The following CLMP variants were observed in gnomAD, a reference collection of about 807,000 sequenced individuals.
CLMP encodes CXADR-like membrane protein.
A neutral mutation model predicts 45.2 loss-of-function variants in CLMP; 27 were observed. The ratio of observed to expected loss-of-function variants is 0.60; its 90% CI spans 0.44 to 0.82. CLMP has a LOEUF of 0.82. Among genes scored for constraint, CLMP ranks in the 40% least tolerant of loss-of-function variants. The pLI is 0.00. For missense variants in CLMP, 403 were observed against 448.4 expected (o/e 0.90, Z 0.91); for synonymous variants, 167 against 171.4 (o/e 0.97, Z 0.20).
At chr11:123,149,131 G>A (rs1336467188) in intron 1 of CLMP, among the ~76,000 whole-genome samples, 1 of 152,198 alleles carries the variant, frequency 6.6e-6, no homozygotes, top group Non-Finnish European at 1.5e-5. Context: ...ACCACCAGAG[G>A]AGATGGCTGT....
intron 1 of CLMP, among the ~76,000 whole-genome samples, chr11:123,180,928 G>A (rs1375535351): frequency 6.6e-6 from 1 of 152,192 alleles, no homozygotes; most frequent in African/African-American, 2.4e-5. Flanking sequence ...TCTATTCTTA[G>A]TGATAGGAAA....
chr11:123,155,969 T>G (rs1428405862), intron 1 of CLMP, among the ~76,000 whole-genome samples: 4 of 152,168 alleles, frequency 2.6e-5, no homozygotes. Context: ...ATATACCATC[T>G]TAGGAACTGT....
intron 1 of CLMP, among the ~76,000 whole-genome samples, chr11:123,175,380 T>A (rs779900883): frequency 6.6e-6 from 1 of 152,166 alleles, no homozygotes; most frequent in African/African-American, 2.4e-5. Flanking sequence ...CTCACTATCA[T>A]GAGAACAGCA....
chr11:123,120,199 T>C (rs1377406595), intron 1 of CLMP, among the ~76,000 whole-genome samples: 1 of 152,136 alleles, frequency 6.6e-6, no homozygotes, highest in Non-Finnish European at 1.5e-5. Context: ...GGTGTAAGGA[T>C]TGCTTGAGCC....
intron 1 of CLMP, among the ~76,000 whole-genome samples, chr11:123,106,416 TGTGTGTGTGCGCGCGCGC>T (rs1174967229): frequency 3.7e-5 from 4 of 107,554 alleles, no homozygotes; most frequent in African/African-American, 7.1e-5. Context: ...TGTGTGTGTG[TGTGTGTGTGCGCGCGCGC>T]GCGCGCACGT....
intron 1 of CLMP, among the ~76,000 whole-genome samples, chr11:123,159,691 G>A (rs974798056): frequency 2.6e-5 from 4 of 152,306 alleles, no homozygotes; most frequent in African/African-American, 9.6e-5. Context: ...CACACAGGAA[G>A]GGTGGTTTTT....
chr11:123,165,171 G>T (rs921884758), intron 1 of CLMP, among the ~76,000 whole-genome samples: 1 of 152,172 alleles, frequency 6.6e-6, no homozygotes, highest in Non-Finnish European at 1.5e-5. Flanking sequence ...AGCATCTTCT[G>T]ATCTGTCAGC....
chr11:123,149,774 TCTTTCTTTCTTTCTTC>T (rs1321702242), intron 1 of CLMP, among the ~76,000 whole-genome samples: 1 of 139,322 alleles, frequency 7.2e-6, no homozygotes, highest in Non-Finnish European at 1.5e-5. Flanking sequence ...AGGTTTTCTT[TCTTTCTTTCTTTCTTC>T]CTTTCTTTCT....
chr11:123,086,331 TG>T (rs1409723522), intron 2 of CLMP, among the ~76,000 whole-genome samples: 1 of 152,160 alleles, frequency 6.6e-6, no homozygotes, highest in Non-Finnish European at 1.5e-5. Flanking sequence ...CCAGACAAGT[TG>T]GTGGCATTTG....
intron 1 of CLMP, among the ~76,000 whole-genome samples, chr11:123,123,729 C>T (rs981870184): frequency 6.6e-6 from 1 of 152,182 alleles, no homozygotes; most frequent in African/African-American, 2.4e-5. Flanking sequence ...AGAATAGACA[C>T]AATCCATACA....
At chr11:123,117,189 T>G (rs1423396271) in intron 1 of CLMP, among the ~76,000 whole-genome samples, 1 of 152,082 alleles carries the variant, frequency 6.6e-6, no homozygotes, top group East Asian at 1.9e-4. Context: ...AATTGTAAAA[T>G]GCATATAATA....
At chr11:123,131,091 C>A (rs1860980857) in intron 1 of CLMP, among the ~76,000 whole-genome samples, 1 of 152,126 alleles carries the variant, frequency 6.6e-6, no homozygotes, top group Non-Finnish European at 1.5e-5. Context: ...GATCCACCCC[C>A]CTTGGGCTCT....
At chr11:123,110,479 T>C (rs989237898) in intron 1 of CLMP, among the ~76,000 whole-genome samples, 2 of 144,688 alleles carry the variant, frequency 1.4e-5, no homozygotes, top group Admixed American at 7.0e-5. Context: ...ATTAGCCAGG[T>C]GTGGTAACTC....
chr11:123,134,490 A>C (rs1230920408), intron 1 of CLMP, among the ~76,000 whole-genome samples: 1 of 151,554 alleles, frequency 6.6e-6, no homozygotes, highest in Non-Finnish European at 1.5e-5. Flanking sequence ...TGGGGTTTTT[A>C]AGCAAGGGCA....
intron 1 of CLMP, among the ~76,000 whole-genome samples, chr11:123,112,371 C>G (rs1860652130): frequency 7.3e-6 from 1 of 136,138 alleles, no homozygotes. Flanking sequence ...GAGTTTTGCT[C>G]TTGTCGCCCA....
At chr11:123,153,906 G>A (rs1364953856) in intron 1 of CLMP, among the ~76,000 whole-genome samples, 1 of 147,424 alleles carries the variant, frequency 6.8e-6, no homozygotes, top group Non-Finnish European at 1.5e-5. Flanking sequence ...GGCTGGTCTC[G>A]AACTCTTGAG....
In CLMP at chr11:123,083,226, T is replaced by G. The variant is rs1017779075; in HGVS notation, c.557-19A>C. 4.3e-6 allele frequency: 7 copies of G among 1,611,472 alleles called. No homozygotes were observed. In the African/African-American group the frequency reaches 9.3e-5, roughly 22 times the overall value. Reference sequence around the variant, plus strand: ...TTGTAGTCTGCACAAGCAGAAAGAATGACTGTAAATCCCTTTAGTGATGGT... The same window carrying G: ...TTGTAGTCTGCACAAGCAGAAAGAAGGACTGTAAATCCCTTTAGTGATGGT... On this transcript the variant is annotated intron_variant, in intron 4 of 6. Transcript: ENST00000448775.
intron 1 of CLMP, among the ~76,000 whole-genome samples, chr11:123,159,279 A>G (rs1027289036): frequency 1.3e-5 from 2 of 152,372 alleles, no homozygotes; most frequent in East Asian, 3.9e-4. Context: ...ATGTGCTCAT[A>G]GTAGATTACG....
Position 123,185,784 on chromosome 11 carries a change from C to T in CLMP, c.28+9129G>A, listed in dbSNP as rs140602945. Among the ~76,000 whole-genome samples, 11 of 152,330 alleles carry T rather than the reference C, an allele frequency of 7.2e-5. No homozygotes were observed. In the East Asian group the frequency reaches 1.2e-3, roughly 16 times the overall value. Reference sequence around the variant, plus strand: ...GCCCTCTTTAATGAGGAGAAAAAATCGCACTTTGCTGTTCAGGTCAGTGGG... The same window carrying T: ...GCCCTCTTTAATGAGGAGAAAAAATTGCACTTTGCTGTTCAGGTCAGTGGG... On this transcript the variant is annotated intron_variant, in intron 1 of 6. Transcript: ENST00000448775.
Sources: gnomAD v4.1 joint callset for allele counts (sites outside exome capture counted in the v4.1 genomes callset) on GRCh38, gnomAD v4.1.1 for gene constraint, MANE v1.5 for transcripts, NCBI Gene and HGNC (gene_info 2026-07-23, HGNC 2026-07-21) for gene names.